IQSEC1: variants seen among roughly 807,000 people sequenced by gnomAD.
The protein encoded by IQSEC1 is IQ motif and Sec7 domain ArfGEF 1, also known as IQ motif and SEC7 domain-containing protein 1.
IQSEC1 carries 31 observed loss-of-function variants against 91.0 expected under a neutral mutation model. The ratio of observed to expected loss-of-function variants is 0.34; its 90% CI spans 0.26 to 0.46. IQSEC1 has a LOEUF of 0.46. Among genes scored for constraint, IQSEC1 ranks in the 20% least tolerant of loss-of-function variants. The pLI is 1.00. For synonymous variants in IQSEC1, 699 were observed against 662.6 expected (o/e 1.05, Z -0.84); for missense variants, 1,388 against 1,575.6 (o/e 0.88, Z 2.02).
At chr3:12,939,945 T>C (rs1299008742) in intron 2 of IQSEC1, among the ~76,000 whole-genome samples, 2 of 152,222 alleles carry the variant, frequency 1.3e-5, no homozygotes, top group Non-Finnish European at 2.9e-5. Flanking sequence ...GCCTTGGTCA[T>C]GGGCACCCAA....
intron 1 of IQSEC1, among the ~76,000 whole-genome samples, chr3:13,216,632 C>T (rs1168700619): frequency 6.6e-6 from 1 of 152,114 alleles, no homozygotes; most frequent in Non-Finnish European, 1.5e-5. Flanking sequence ...TCCATCCTGC[C>T]CACTGATCTC....
At chr3:12,913,997 A>C (rs1443634613) in intron 8 of IQSEC1, among the ~76,000 whole-genome samples, 1 of 152,168 alleles carries the variant, frequency 6.6e-6, no homozygotes, top group Non-Finnish European at 1.5e-5. Context: ...ATGAGGAAAA[A>C]CTGAGGCACA....
At chr3:13,122,608 C>A (rs1706444104) in intron 2 of IQSEC1, among the ~76,000 whole-genome samples, 1 of 152,170 alleles carries the variant, frequency 6.6e-6, no homozygotes, top group Non-Finnish European at 1.5e-5. Flanking sequence ...TCACATGCCA[C>A]CAAGTCCTGC....
chr3:13,132,145 G>GA (rs1706630421), intron 2 of IQSEC1, among the ~76,000 whole-genome samples: 1 of 152,184 alleles, frequency 6.6e-6, no homozygotes, highest in African/African-American at 2.4e-5. Flanking sequence ...GCTTTGTCAT[G>GA]AGATGCAGTG....
In IQSEC1 at chr3:13,022,548, C is replaced by T. The variant is rs549341550; in HGVS notation, c.23+50444G>A. On this transcript the variant is annotated intron_variant, in intron 1 of 13. Transcript: ENST00000613206. ...TGCCGGAGCCCAGGGGCTGGCCCTG[C>T]GTCCAGAGGCTGGCCTGGGATGGGA... is the stretch of plus-strand genomic sequence containing the variant. 1,577 of 789,520 alleles carry T rather than the reference C, an allele frequency of 2.0e-3. 6 individuals carry two copies. The highest frequency in any genetic ancestry group is 2.1e-3 in the Non-Finnish European group (1,397 of 651,032). 48.9% of individuals were successfully genotyped at this position (789,520 alleles called of 1,614,324 possible). A position where few individuals can be genotyped will look rare whatever the true frequency, so the allele number is the denominator to read the frequency against.
chr3:13,037,864 G>C (rs370904746), intron 1 of IQSEC1, among the ~76,000 whole-genome samples: 179 of 152,196 alleles, frequency 1.2e-3, no homozygotes, highest in Non-Finnish European at 1.1e-3. Flanking sequence ...GTGAAGGGAG[G>C]GGGGAGTTAG....
intron 2 of IQSEC1, among the ~76,000 whole-genome samples, chr3:13,099,070 A>G (rs1442993873): frequency 3.3e-5 from 5 of 152,298 alleles, no homozygotes; most frequent in Admixed American, 1.3e-4. Flanking sequence ...GGTGTCCCCA[A>G]AGAGGTGATA....
At chr3:13,203,164 TACACAC>T (rs10533324) in intron 1 of IQSEC1, among the ~76,000 whole-genome samples, 304 of 148,104 alleles carry the variant, frequency 2.1e-3, no homozygotes, top group African/African-American at 3.5e-3. Flanking sequence ...TTACCACTAC[TACACAC>T]ACACACACAC....
chr3:13,233,056 T>C (rs927829286), intron 1 of IQSEC1, among the ~76,000 whole-genome samples: 1 of 152,228 alleles, frequency 6.6e-6, no homozygotes, highest in Non-Finnish European at 1.5e-5. Context: ...TGGGTGGCAG[T>C]GGTGGCTGCA....
chr3:12,939,529 C>T (rs1698556797), intron 2 of IQSEC1, among the ~76,000 whole-genome samples: 1 of 152,210 alleles, frequency 6.6e-6, no homozygotes, highest in South Asian at 2.1e-4. Context: ...ATCGGGCACC[C>T]TACTTTTTCA....
chr3:13,117,569 C>CAAAAAAA lies in IQSEC1; in HGVS notation c.302+46528_302+46534dup, dbSNP rs34002295. Among the ~76,000 whole-genome samples, 21 of 9,460 alleles carry CAAAAAAA rather than the reference C, an allele frequency of 2.2e-3. 6 individuals are homozygous for CAAAAAAA. Among genetic ancestry groups the CAAAAAAA allele is most frequent in the African/African-American group, 8.9e-3 (21 of 2,350 alleles). 6.2% of individuals were successfully genotyped at this position (9,460 alleles called of 152,430 possible). A position where few individuals can be genotyped will look rare whatever the true frequency, so the allele number is the denominator to read the frequency against. ...CTGGTGACAGAGCAAGACTCCGTCT[C>CAAAAAAA]AAAAAAAAAAAAAAAAAAAAAAAAA... On this transcript the variant is annotated intron_variant, in intron 2 of 15. Transcript: ENST00000648114.
intron 4 of IQSEC1, among the ~76,000 whole-genome samples, chr3:12,923,743 G>C (rs758275519): frequency 6.6e-6 from 1 of 152,348 alleles, no homozygotes; most frequent in East Asian, 1.9e-4. Flanking sequence ...GTGAGGCCTC[G>C]TGCTCCAGGG....
intron 1 of IQSEC1, among the ~76,000 whole-genome samples, chr3:12,956,525 G>A (rs550114193): frequency 2.0e-5 from 3 of 152,194 alleles, no homozygotes; most frequent in Non-Finnish European, 4.4e-5. Flanking sequence ...TAACCACCAA[G>A]CCTCAATTCA....
intron 1 of IQSEC1, among the ~76,000 whole-genome samples, chr3:12,976,448 C>T (rs1701178740): frequency 6.6e-6 from 1 of 152,242 alleles, no homozygotes; most frequent in Admixed American, 6.5e-5. Context: ...GGGTCCCTTA[C>T]AGATCCCCCT....
chr3:13,065,585 T>C (rs1294869646), intron 1 of IQSEC1, among the ~76,000 whole-genome samples: 2 of 152,124 alleles, frequency 1.3e-5, no homozygotes, highest in African/African-American at 2.4e-5. Context: ...CAGAAAGTAA[T>C]GAGTGATGGC....
At chr3:13,257,086 C>T (rs1025489138) in intron 1 of IQSEC1, among the ~76,000 whole-genome samples, 4 of 152,146 alleles carry the variant, frequency 2.6e-5, no homozygotes, top group African/African-American at 7.2e-5. Context: ...AGGGAGGCAG[C>T]GAGTATAAAC....
At chr3:13,004,447 C>A (rs1384850457) in intron 1 of IQSEC1, among the ~76,000 whole-genome samples, 1 of 152,150 alleles carries the variant, frequency 6.6e-6, no homozygotes, top group East Asian at 1.9e-4. Context: ...CCCTCAGCTA[C>A]ACCCAGGCCC....
intron 1 of IQSEC1, among the ~76,000 whole-genome samples, chr3:12,973,853 G>A (rs11710665): frequency 0.05 from 7,672 of 152,148 alleles, 237 homozygotes; most frequent in African/African-American, 0.074. Context: ...GAAGCAGGGA[G>A]CACTTCCCCA....
chr3:13,250,420 CTTTTT>C (rs1227236271), intron 1 of IQSEC1, among the ~76,000 whole-genome samples: 1 of 135,576 alleles, frequency 7.4e-6, no homozygotes, highest in Non-Finnish European at 1.6e-5. Context: ...CCCCACTTTC[CTTTTT>C]TTTTTTTTTT....
Sources: allele counts gnomAD v4.1 joint callset (sites outside exome capture counted in the v4.1 genomes callset), GRCh38; gene constraint gnomAD v4.1.1; transcripts MANE v1.5; gene names NCBI Gene and HGNC (gene_info 2026-07-23, HGNC 2026-07-21).